Variants in HEMK2 observed in about 807,000 individuals in gnomAD.
HEMK2 encodes HemK methyltransferase 2, ETF1 glutamine and histone H4 lysine.
the HEMK2 span, among the ~76,000 whole-genome samples, chr21:28,759,681 C>A: frequency 9.9e-3 from 1,500 of 152,210 alleles, 25 homozygotes; most frequent in African/African-American, 0.034. Context: ...AATCATGGGG[C>A]AGTTTCCCCC....
the HEMK2 span, among the ~76,000 whole-genome samples, chr21:28,796,040 T>A: frequency 6.6e-6 from 1 of 152,196 alleles, no homozygotes; most frequent in East Asian, 1.9e-4. Flanking sequence ...TGAAAACAAA[T>A]GAGATTTTTT....
chr21:28,696,611 A>T, the HEMK2 span, among the ~76,000 whole-genome samples: 5 of 152,132 alleles, frequency 3.3e-5, no homozygotes, highest in Non-Finnish European at 7.4e-5. Flanking sequence ...GGTCTAGCGG[A>T]TGGTGGCCTT....
At chr21:28,610,964 T>C in the HEMK2 span, among the ~76,000 whole-genome samples, 2 of 151,980 alleles carry the variant, frequency 1.3e-5, no homozygotes, top group Non-Finnish European at 1.5e-5. Context: ...AATTTAATAC[T>C]CCACTGACAG....
At chr21:28,594,620 G>A in the HEMK2 span, among the ~76,000 whole-genome samples, 1 of 152,188 alleles carries the variant, frequency 6.6e-6, no homozygotes, top group African/African-American at 2.4e-5. Flanking sequence ...CCAACAGTAG[G>A]GGGTAGTTGT....
chr21:28,596,847 C>T, the HEMK2 span, among the ~76,000 whole-genome samples: 25 of 151,934 alleles, frequency 1.6e-4, no homozygotes, highest in East Asian at 3.9e-3. Context: ...TGCTCCATAC[C>T]GAAAATGGGA....
At chr21:28,673,614 C>T in the HEMK2 span, among the ~76,000 whole-genome samples, 1 of 117,482 alleles carries the variant, frequency 8.5e-6, no homozygotes, top group Non-Finnish European at 1.7e-5. Flanking sequence ...ACAAAACATT[C>T]GTTAAAATTA....
chr21:28,624,829 C>T, the HEMK2 span, among the ~76,000 whole-genome samples: 1 of 152,174 alleles, frequency 6.6e-6, no homozygotes, highest in Non-Finnish European at 1.5e-5. Flanking sequence ...CTCACACTTA[C>T]TCATGATTCT....
the HEMK2 span, among the ~76,000 whole-genome samples, chr21:28,881,506 T>C: frequency 6.6e-6 from 1 of 152,124 alleles, no homozygotes. Flanking sequence ...TGCAAACATC[T>C]TGTTACCATG....
chr21:28,674,512 G>GA, the HEMK2 span: 2 of 152,192 alleles, frequency 1.3e-5, no homozygotes, highest in Non-Finnish European at 2.9e-5. Context: ...CAGACAGAAT[G>GA]AGACTCCCAG....
the HEMK2 span, among the ~76,000 whole-genome samples, chr21:28,686,785 T>C: frequency 0.56 from 84,608 of 152,068 alleles, 26,213 homozygotes; most frequent in East Asian, 0.84. Context: ...ACATCTGGAT[T>C]GAAGGGAATC....
the HEMK2 span, among the ~76,000 whole-genome samples, chr21:28,621,063 C>T: frequency 2.5e-3 from 374 of 152,080 alleles, 1 homozygote; most frequent in Non-Finnish European, 4.5e-3. Context: ...TTTTTTGAAG[C>T]ATTTTTTGTG....
chr21:28,829,713 T>C, the HEMK2 span, among the ~76,000 whole-genome samples: 1 of 152,184 alleles, frequency 6.6e-6, no homozygotes. Flanking sequence ...GACATCTGAG[T>C]AGGGAGAGTT....
chr21:28,865,451 G>T, the HEMK2 span, among the ~76,000 whole-genome samples: 11 of 152,214 alleles, frequency 7.2e-5, no homozygotes, highest in African/African-American at 2.7e-4. Flanking sequence ...ACAGGCGTGA[G>T]CCACCACGCC....
the HEMK2 span, among the ~76,000 whole-genome samples, chr21:28,576,252 G>C: frequency 6.6e-6 from 1 of 152,146 alleles, no homozygotes; most frequent in Non-Finnish European, 1.5e-5. Flanking sequence ...CAACAGTACT[G>C]TCAGCCCTTT....
At chr21:28,739,082 C>CA in the HEMK2 span, among the ~76,000 whole-genome samples, 5 of 151,892 alleles carry the variant, frequency 3.3e-5, no homozygotes, top group East Asian at 5.8e-4. Context: ...AAAATGAAAC[C>CA]AAAAAAACCT....
At chr21:28,717,480 C>CT in the HEMK2 span, among the ~76,000 whole-genome samples, 1,747 of 117,268 alleles carry the variant, frequency 0.015, 86 homozygotes, top group Admixed American at 0.066. Context: ...TCATTTTAGT[C>CT]TTTTTTTTTT....
At chr21:28,798,398 T>G in the HEMK2 span, among the ~76,000 whole-genome samples, 3 of 152,164 alleles carry the variant, frequency 2.0e-5, no homozygotes, top group Non-Finnish European at 2.9e-5. Context: ...AAAATGAGCA[T>G]ATAGGCATAC....
At chr21:28,723,785 G>C in the HEMK2 span, among the ~76,000 whole-genome samples, 2 of 152,136 alleles carry the variant, frequency 1.3e-5, no homozygotes, top group African/African-American at 4.8e-5. Context: ...ACCCAAAAAT[G>C]ATTTTTTAAA....
the HEMK2 span, among the ~76,000 whole-genome samples, chr21:28,632,156 A>G: frequency 3.2e-4 from 48 of 148,678 alleles, no homozygotes; most frequent in East Asian, 9.2e-3. Context: ...TCTGTACAAT[A>G]TATTTCTGAA....
Sources: allele counts gnomAD v4.1 joint callset (sites outside exome capture counted in the v4.1 genomes callset), GRCh38; gene constraint gnomAD v4.1.1; transcripts MANE v1.5; gene names NCBI Gene and HGNC (gene_info 2026-07-23, HGNC 2026-07-21).